The following MAP3K14 variants were observed in gnomAD, a reference collection of about 807,000 sequenced individuals.
MAP3K14 encodes NF-kappa-beta-inducing kinase.
In MAP3K14, 16 loss-of-function variants were observed where a neutral mutation model predicts 99.2. That is an observed-to-expected ratio of 0.16 (90% CI 0.11 to 0.24). The LOEUF is 0.24. MAP3K14 is among the 10% of genes least tolerant of loss of function. MAP3K14 has a pLI of 1.00. For missense variants in MAP3K14, 784 were observed against 1,208.7 expected, an observed-to-expected ratio of 0.65 and a Z score of 5.21; for synonymous variants, 462 against 492.4, an observed-to-expected ratio of 0.94 and a Z score of 0.82.
intron 6 of MAP3K14, among the ~76,000 whole-genome samples, chr17:45,277,544 G>A (rs1242535417): frequency 6.6e-6 from 1 of 152,126 alleles, no homozygotes; most frequent in Non-Finnish European, 1.5e-5. Flanking sequence ...CATGAACTTT[G>A]ACTCTGCCAG....
At chr17:45,311,206 G>A (rs1266052942) in intron 1 of MAP3K14, among the ~76,000 whole-genome samples, 2 of 152,186 alleles carry the variant, frequency 1.3e-5, no homozygotes, top group Non-Finnish European at 2.9e-5. Context: ...TCATGTCCAG[G>A]CTATAATCCT....
intron 6 of MAP3K14, among the ~76,000 whole-genome samples, chr17:45,282,768 C>A (rs2044233611): frequency 1.3e-5 from 2 of 152,116 alleles, no homozygotes; most frequent in Admixed American, 1.3e-4. Context: ...TGCAGCCTGA[C>A]CTCTGATGCC....
At chr17:45,273,642 T>G in intron 8 of MAP3K14, 35 bp from the exon 9 acceptor site, 3 of 1,542,248 alleles carry the variant, frequency 1.9e-6, no homozygotes, top group Non-Finnish European at 2.7e-6. Flanking sequence ...GAGGAACAGG[T>G]GAGTCATGCC....
At chr17:45,289,484 T>G (rs2044294319) in intron 2 of MAP3K14, among the ~76,000 whole-genome samples, 179 bp from the exon 3 acceptor site, 1 of 152,080 alleles carries the variant, frequency 6.6e-6, no homozygotes, top group African/African-American at 2.4e-5. Flanking sequence ...CTCCCCAGCT[T>G]CTCAGCTTAC....
At chr17:45,302,498 G>A (rs1237601353) in intron 1 of MAP3K14, among the ~76,000 whole-genome samples, 8 of 151,994 alleles carry the variant, frequency 5.3e-5, no homozygotes, top group Admixed American at 3.3e-4. Context: ...AGTAGAGACC[G>A]GGTTTCACCA....
At chr17:45,291,041 C>G (rs930789894) in intron 1 of MAP3K14, 1 of 333,946 alleles carries the variant, frequency 3.0e-6, no homozygotes, top group African/African-American at 2.0e-5. Context: ...AGCCCACTCC[C>G]TCTAGGAGAG....
intron 1 of MAP3K14, among the ~76,000 whole-genome samples, chr17:45,295,377 T>C (rs1390269953): frequency 3.3e-5 from 5 of 152,084 alleles, no homozygotes; most frequent in Non-Finnish European, 7.4e-5. Flanking sequence ...ATGCTCAGTG[T>C]CCCTTCATCC....
rs558266667 is a variant in MAP3K14, at chr17:45,264,755, C to T, written c.2725G>A (p.Val909Ile). Residue 909 changes from valine to isoleucine, a missense_variant, in exon 16 of 16, where the codon GTT (valine) becomes ATT (isoleucine). Coordinates refer to ENST00000344686, the MANE Select transcript of MAP3K14 (RefSeq NM_003954.5). ...TCTGGCACCTCCATGTCGTAGCGAA[C>T]AGGCTGCCCGTCTTTGGTGACCAAG... ...FSLVTKDGQP[V>I]RYDMEVPDSG... 2 of 1,613,448 alleles carry T rather than the reference C, an allele frequency of 1.2e-6. No individual in the cohort carries two copies. Among genetic ancestry groups the T allele is most frequent in the East Asian group, 2.2e-5 (1 of 44,884 alleles).
At chr17:45,300,458 T>C (rs2044378608) in intron 1 of MAP3K14, among the ~76,000 whole-genome samples, 1 of 152,248 alleles carries the variant, frequency 6.6e-6, no homozygotes, top group South Asian at 2.1e-4. Context: ...TTGGCCATTG[T>C]TTCCCCAAAC....
chr17:45,271,301 T>G (rs2044141051), intron 9 of MAP3K14, 80 bp from the exon 10 acceptor site: 2 of 1,257,566 alleles, frequency 1.6e-6, no homozygotes. Flanking sequence ...TGGTTAATCC[T>G]CGGGGTATCT....
intron 1 of MAP3K14, among the ~76,000 whole-genome samples, chr17:45,308,997 T>C (rs984585462): frequency 9.2e-5 from 14 of 152,034 alleles, no homozygotes; most frequent in Non-Finnish European, 1.8e-4. Context: ...AATTTTTTTT[T>C]TGGAGGTGGA....
chr17:45,266,427 C>T, intron 14 of MAP3K14, 110 bp downstream of exon 14: 1 of 1,403,680 alleles, frequency 7.1e-7, no homozygotes, highest in Non-Finnish European at 9.6e-7. Flanking sequence ...AGGCGCCTTC[C>T]TCCCTCCCAC....
chr17:45,314,967 G>A (rs1421976252), intron 1 of MAP3K14, among the ~76,000 whole-genome samples: 2 of 150,496 alleles, frequency 1.3e-5, no homozygotes, highest in Non-Finnish European at 2.9e-5. Flanking sequence ...TCACATCTCC[G>A]CAGATCTCTC....
chr17:45,313,594 A>G (rs536515340), intron 1 of MAP3K14, among the ~76,000 whole-genome samples: 124 of 152,262 alleles, frequency 8.1e-4, no homozygotes, highest in African/African-American at 2.7e-3. Context: ...GACACCAAGG[A>G]CTTGTTCTGT....
intron 1 of MAP3K14, among the ~76,000 whole-genome samples, chr17:45,292,216 C>T (rs985893133): frequency 2.0e-5 from 3 of 152,206 alleles, no homozygotes; most frequent in Admixed American, 6.5e-5. Context: ...TGGTACCAAA[C>T]GCCAGATGCT....
chr17:45,270,305 G>T, intron 11 of MAP3K14, 108 bp downstream of exon 11: 1 of 1,353,912 alleles, frequency 7.4e-7, no homozygotes, highest in South Asian at 1.5e-5. Context: ...TCCAGAGGGG[G>T]AAACTAAGGC....
chr17:45,267,507 G>C lies in MAP3K14; in HGVS notation c.2225C>G (p.Pro742Arg). The change falls in exon 12 of 16, where the codon CCC becomes CGC. Residue 742 changes from proline to arginine, a missense_variant. Around this residue, in one of 5 missense-constraint regions of MAP3K14, gnomAD observed 128 missense variants for 143.3 expected, o/e 0.89. Transcript: ENST00000344686. The surrounding 1 kb of genome is among the most constrained non-coding windows in gnomAD (Gnocchi z 5.1). ...TGGCTCCAGGGAGGACAGAGGTAAG[G>C]GTTCCCACATCCCAGACTCCTCCTT... ...LSKEESGMWEPLPLSSLEPAP... is the reference protein window; with the variant it reads ...LSKEESGMWERLPLSSLEPAP... The C allele has an allele frequency of 6.2e-7, 1 of 1,613,072 alleles. No homozygotes were observed. The highest frequency in any genetic ancestry group is 2.2e-5 in the East Asian group (1 of 44,858).
In MAP3K14 at chr17:45,267,185, G is replaced by A; in HGVS notation, c.2340C>T (p.Asn780=). The part of the protein sequence containing the change: ...LQQLEIELFL[N]SLSQPFSLEE... ...CCAGAGAAAATGGCTGGGACAGGCT[G>A]TTGAGGAATAATTCTGCAGGGAAAA... The change falls in exon 13 of 16, where the codon AAC becomes AAT. Residue 780 remains asparagine, a synonymous_variant. Coordinates refer to ENST00000344686, the MANE Select transcript of MAP3K14 (RefSeq NM_003954.5). This position sits in a 1 kb window ranked among gnomAD's most constrained non-coding sequence, Gnocchi z 5.1. The A allele has an allele frequency of 6.3e-7, 1 of 1,594,614 alleles. No individual in the cohort carries two copies. The highest frequency in any genetic ancestry group is 8.5e-7 in the Non-Finnish European group (1 of 1,170,174).
intron 5 of MAP3K14, among the ~76,000 whole-genome samples, chr17:45,285,681 T>G (rs531232145): frequency 1.3e-5 from 2 of 150,650 alleles, no homozygotes; most frequent in South Asian, 4.2e-4. Flanking sequence ...AATAAGACAG[T>G]GCAGTGGCTC....
Sources: allele counts gnomAD v4.1 joint callset (sites outside exome capture counted in the v4.1 genomes callset), GRCh38; gene constraint gnomAD v4.1.1; regional missense constraint gnomAD v4.1.1; non-coding constraint Gnocchi (gnomAD v3.1); transcripts MANE v1.5; gene names NCBI Gene and HGNC (gene_info 2026-07-23, HGNC 2026-07-21).